The following SHTN1 variants were observed in gnomAD, a reference collection of about 807,000 sequenced individuals.
The protein encoded by SHTN1 is shootin 1.
SHTN1 carries 42 observed loss-of-function variants against 83.1 expected under a neutral mutation model. The ratio of observed to expected loss-of-function variants is 0.51; its 90% confidence interval spans 0.39 to 0.65. The LOEUF (loss-of-function observed/expected upper bound fraction) is 0.65. Among genes scored for constraint, SHTN1 ranks in the 30% least tolerant of loss-of-function variants. The probability of loss-of-function intolerance (pLI) is 0.00; values close to 1 mark genes in which losing one functional copy is unlikely to be tolerated. For missense variants in SHTN1, 622 were observed against 737.8 expected (o/e 0.84, Z 1.82); for synonymous variants, 224 against 247.7 (o/e 0.90, Z 0.90).
At chr10:116,928,110 T>C (rs531634961) in intron 10 of SHTN1, among the ~76,000 whole-genome samples, 12 of 152,320 alleles carry the variant, frequency 7.9e-5, no homozygotes, top group Middle Eastern at 3.4e-3. Flanking sequence ...TTAAATGTTA[T>C]CTTTTTGCTG....
intron 1 of SHTN1, among the ~76,000 whole-genome samples, chr10:117,091,220 G>A (rs540360164): frequency 6.6e-6 from 1 of 152,146 alleles, no homozygotes; most frequent in African/African-American, 2.4e-5. Context: ...AACATTTATC[G>A]AGCTTACGCG....
At chr10:117,025,613 C>T (rs1296334368) in intron 2 of SHTN1, among the ~76,000 whole-genome samples, 1 of 152,110 alleles carries the variant, frequency 6.6e-6, no homozygotes, top group African/African-American at 2.4e-5. Context: ...CTTCCCCTAA[C>T]CCCAGGCTGC....
At chr10:117,051,646 AAT>A (rs1243187190) in intron 1 of SHTN1, among the ~76,000 whole-genome samples, 1 of 152,030 alleles carries the variant, frequency 6.6e-6, no homozygotes, top group Non-Finnish European at 1.5e-5. Flanking sequence ...ACATTAGTAG[AAT>A]AGAGAGGAGG....
intron 3 of SHTN1, among the ~76,000 whole-genome samples, chr10:116,962,191 C>T (rs1850210016): frequency 6.6e-6 from 1 of 152,004 alleles, no homozygotes; most frequent in Non-Finnish European, 1.5e-5. Flanking sequence ...GAATCACACA[C>T]AATATGTGTT....
intron 16 of SHTN1, among the ~76,000 whole-genome samples, chr10:116,889,062 T>C (rs543987354): frequency 1.3e-5 from 2 of 152,384 alleles, no homozygotes; most frequent in African/African-American, 4.8e-5. Context: ...TCTCTCATTC[T>C]AGGTGAGCAA....
chr10:117,046,216 T>C (rs999788675), intron 2 of SHTN1, among the ~76,000 whole-genome samples: 3 of 151,980 alleles, frequency 2.0e-5, no homozygotes. Flanking sequence ...CCTAGACATA[T>C]ACTCAAACTG....
chr10:116,944,366 C>T (rs1379792518), intron 8 of SHTN1, among the ~76,000 whole-genome samples: 11 of 152,106 alleles, frequency 7.2e-5, no homozygotes, highest in Admixed American at 3.3e-4. Flanking sequence ...GTCCATTTTA[C>T]AGATGGTAAA....
intron 2 of SHTN1, among the ~76,000 whole-genome samples, chr10:117,016,697 G>A (rs954820354): frequency 7.3e-6 from 1 of 136,486 alleles, no homozygotes; most frequent in Non-Finnish European, 1.6e-5. Context: ...GTGAGCCATC[G>A]CACCTGGCCA....
intron 2 of SHTN1, among the ~76,000 whole-genome samples, chr10:117,041,761 G>A (rs913439915): frequency 2.0e-5 from 3 of 152,112 alleles, no homozygotes; most frequent in Non-Finnish European, 2.9e-5. Context: ...GTGAAGAGAC[G>A]CTTAAAATCA....
rs1337739867 is a variant in SHTN1, at chr10:116,927,831, G to A, written c.1073C>T (p.Pro358Leu). 1.9e-6 allele frequency: 3 copies of A among 1,608,004 alleles called. No homozygotes were observed. The highest frequency in any genetic ancestry group is 2.5e-6 in the Non-Finnish European group (3 of 1,177,454). Reference sequence around the variant, plus strand: ...AGGTGGAGGGGGAAGTGGTGGTGGAGGAGGAGGTGGTGGAGGTACTGAATT... The same window carrying A: ...AGGTGGAGGGGGAAGTGGTGGTGGAAGAGGAGGTGGTGGAGGTACTGAATT... Reference protein sequence around the residue: ...SENSVPPPPPPPPPLPPPPPN... With the variant: ...SENSVPPPPPLPPPLPPPPPN... Residue 358 changes from proline (P) to leucine (L), a missense_variant, in exon 11 of 17, where the codon CCT becomes CTT. Transcript: ENST00000355371.
intron 1 of SHTN1, among the ~76,000 whole-genome samples, chr10:116,981,069 A>G (rs917014195): frequency 6.6e-6 from 1 of 152,216 alleles, no homozygotes; most frequent in Non-Finnish European, 1.5e-5. Context: ...CTGTAATCTC[A>G]ACACTTTGGT....
chr10:117,017,367 T>C (rs1297917684), intron 2 of SHTN1, among the ~76,000 whole-genome samples: 1 of 151,166 alleles, frequency 6.6e-6, no homozygotes, highest in Non-Finnish European at 1.5e-5. Context: ...GGCGGGTGCC[T>C]GTAGTCCCAG....
intron 2 of SHTN1, among the ~76,000 whole-genome samples, chr10:117,011,889 C>G (rs773225127): frequency 1.5e-4 from 23 of 151,928 alleles, no homozygotes; most frequent in Non-Finnish European, 2.9e-4. Flanking sequence ...GCCTGTAATC[C>G]CAGCACTTTG....
intron 1 of SHTN1, among the ~76,000 whole-genome samples, chr10:117,121,321 T>C (rs1276738407): frequency 6.6e-6 from 1 of 152,212 alleles, no homozygotes; most frequent in Non-Finnish European, 1.5e-5. Flanking sequence ...CTTACGCCTG[T>C]AATCCCAGCA....
intron 1 of SHTN1, among the ~76,000 whole-genome samples, chr10:116,991,879 C>A (rs968064132): frequency 6.6e-6 from 1 of 152,152 alleles, no homozygotes; most frequent in Non-Finnish European, 1.5e-5. Context: ...CTATGGCTCA[C>A]GTCTGTAATC....
chr10:116,971,055 T>A (rs1850599704), intron 2 of SHTN1, among the ~76,000 whole-genome samples: 1 of 152,168 alleles, frequency 6.6e-6, no homozygotes, highest in Non-Finnish European at 1.5e-5. Flanking sequence ...ATTTTAAAAA[T>A]AAGTAAGAAG....
At chr10:116,886,836 CT>C (rs1847179675) in intron 16 of SHTN1, among the ~76,000 whole-genome samples, 1 of 152,200 alleles carries the variant, frequency 6.6e-6, no homozygotes, top group African/African-American at 2.4e-5. Context: ...CACCTACCTG[CT>C]TAATTGCATT....
chr10:116,927,920 A>G, intron 10 of SHTN1, 29 bp from the exon 11 acceptor site: 1 of 1,610,530 alleles, frequency 6.2e-7, no homozygotes, highest in Admixed American at 1.7e-5. Context: ...TTCAGAAGAG[A>G]GCTGAAATAA....
intron 2 of SHTN1, among the ~76,000 whole-genome samples, chr10:117,023,479 T>C (rs1352858109): frequency 2.0e-5 from 3 of 152,224 alleles, no homozygotes; most frequent in African/African-American, 7.2e-5. Context: ...TAAAAAGTTA[T>C]GGGCAAAATG....
Sources: gnomAD v4.1 joint callset for allele counts (sites outside exome capture counted in the v4.1 genomes callset) on GRCh38, gnomAD v4.1.1 for gene constraint, MANE v1.5 for transcripts, NCBI Gene and HGNC (gene_info 2026-07-23, HGNC 2026-07-21) for gene names.